Variants in ZYG11B observed in about 807,000 individuals in gnomAD.
ZYG11B encodes protein zyg-11 homolog B.
In ZYG11B, 36 loss-of-function variants were observed where a neutral mutation model predicts 82.4. The observed-to-expected ratio is 0.44, with a 90% CI of 0.33 to 0.58. ZYG11B has a LOEUF of 0.58. ZYG11B is among the 20% of genes least tolerant of loss of function. ZYG11B has a pLI of 0.02. For missense variants in ZYG11B, 552 were observed against 895.6 expected, an observed-to-expected ratio of 0.62 and a Z score of 4.90; for synonymous variants, 303 against 312.8, an observed-to-expected ratio of 0.97 and a Z score of 0.33.
intron 2 of ZYG11B, among the ~76,000 whole-genome samples, chr1:52,760,401 A>G (rs1644618888): frequency 1.3e-5 from 2 of 152,068 alleles, no homozygotes; most frequent in South Asian, 2.1e-4. Flanking sequence ...CCAAGATTGC[A>G]CCATTGTACT....
intron 2 of ZYG11B, among the ~76,000 whole-genome samples, chr1:52,761,830 C>G (rs1178245622): frequency 6.6e-6 from 1 of 152,114 alleles, no homozygotes; most frequent in African/African-American, 2.4e-5. Flanking sequence ...TCTCTACATC[C>G]AGTATTTGTT....
At chr1:52,816,970 T>C (rs1645230594) in intron 13 of ZYG11B, among the ~76,000 whole-genome samples, 1 of 151,682 alleles carries the variant, frequency 6.6e-6, no homozygotes, top group African/African-American at 2.4e-5. Context: ...TGTATTATTA[T>C]TATTTTTTTT....
chr1:52,764,925 CA>C (rs1346152796), intron 2 of ZYG11B, among the ~76,000 whole-genome samples: 1 of 152,154 alleles, frequency 6.6e-6, no homozygotes, highest in Non-Finnish European at 1.5e-5. Context: ...GTGTTCCTAA[CA>C]GTAGTTTCAG....
chr1:52,741,928 C>G (rs114804801), intron 1 of ZYG11B, among the ~76,000 whole-genome samples: 3,093 of 152,126 alleles, frequency 0.02, 42 homozygotes, highest in Non-Finnish European at 0.03. Context: ...GACTCCCAAG[C>G]CCACACTCTT....
At chr1:52,780,122 A>G in intron 4 of ZYG11B, 129 bp downstream of exon 4, 1 of 842,364 alleles carries the variant, frequency 1.2e-6, no homozygotes, top group Non-Finnish European at 1.8e-6. Flanking sequence ...ATGACGTGTG[A>G]TTTCAATCAT....
chr1:52,821,469 A>G lies in ZYG11B; in HGVS notation c.2075A>G (p.Glu692Gly), dbSNP rs1379247210. The part of the protein sequence containing the change: ...PSRYCSMLIE[E>G]GGLQHLYNIK... ...AGGTATTGCAGCATGCTGATTGAAGAAGGAGGATTGCAGCATTTATACAAC... is the reference window on the plus strand; with the variant it reads ...AGGTATTGCAGCATGCTGATTGAAGGAGGAGGATTGCAGCATTTATACAAC... The change falls in exon 14 of 14, where the codon GAA becomes GGA. Residue 692 changes from glutamate (E) to glycine (G), a missense_variant. Glu to Gly is a moderately conservative substitution (Grantham distance 98). This residue lies in a region of ZYG11B where 127 missense variants were observed against 163.4 expected (regional missense o/e 0.78). Coordinates refer to ENST00000294353, the MANE Select transcript of ZYG11B (RefSeq NM_024646.3). 3 of 1,604,558 alleles carry G rather than the reference A, an allele frequency of 1.9e-6. No homozygotes were observed. Among genetic ancestry groups the G allele is most frequent in the Non-Finnish European group, 2.6e-6 (3 of 1,174,464 alleles).
intron 3 of ZYG11B, among the ~76,000 whole-genome samples, chr1:52,777,934 G>A (rs1476573403): frequency 6.6e-6 from 1 of 152,134 alleles, no homozygotes. Context: ...AGAGACAAAG[G>A]CAGTAAATAA....
chr1:52,741,428 C>T (rs1024857992), intron 1 of ZYG11B, among the ~76,000 whole-genome samples: 2 of 151,828 alleles, frequency 1.3e-5, no homozygotes, highest in African/African-American at 4.8e-5. Flanking sequence ...CTCATAGGTA[C>T]CTGTGAACTC....
intron 2 of ZYG11B, among the ~76,000 whole-genome samples, chr1:52,768,596 CTTTTTTT>C (rs142493514): frequency 5.1e-5 from 7 of 136,850 alleles, no homozygotes; most frequent in Non-Finnish European, 7.7e-5. Context: ...CCTTCTTCCT[CTTTTTTT>C]TTTTTTTTTG....
chr1:52,776,229 A>AAAAAAAATAT lies in ZYG11B; in HGVS notation c.952-3623_952-3622insAAAAAATATA. 5.9e-3 allele frequency among the ~76,000 whole-genome samples: 139 copies of AAAAAAAATAT among 23,540 alleles called. 5 individuals carry two copies. The highest frequency in any genetic ancestry group is 0.013 in the African/African-American group (133 of 10,550). The allele number at this position is 23,540 out of a possible 152,430, so 15.4% of individuals were successfully genotyped here. On this transcript the variant is annotated intron_variant, in intron 3 of 13. Coordinates refer to ENST00000294353, the MANE Select transcript of ZYG11B (RefSeq NM_024646.3). ...AGCAAAACTCTGTCTTAAAAAAAAA[A>AAAAAAAATAT]ATATATATATATATATGCAATAAAG... is the stretch of plus-strand genomic sequence containing the variant.
chr1:52,782,379 A>C (rs1165720460), intron 4 of ZYG11B, among the ~76,000 whole-genome samples: 1 of 150,374 alleles, frequency 6.7e-6, no homozygotes, highest in Non-Finnish European at 1.5e-5. Flanking sequence ...GGAGTGAGCC[A>C]CTTTTATTTT....
rs1645313458 is a variant in ZYG11B, at chr1:52,825,075, A to G, written c.*3446A>G. 6.6e-6 allele frequency: 1 copy of G among 152,172 alleles called. No individual in the cohort carries two copies. Among genetic ancestry groups the G allele is most frequent in the South Asian group, 2.1e-4 (1 of 4,822 alleles). 9.4% of individuals were successfully genotyped at this position (152,172 alleles called of 1,614,324 possible). A position where few individuals can be genotyped will look rare whatever the true frequency, so the allele number is the denominator to read the frequency against. ...ACTTTTTAGAGTATAATGATGTTCTAGGGCATAATGAGGAAAATTTTTAAA... is the reference window on the plus strand; with the variant it reads ...ACTTTTTAGAGTATAATGATGTTCTGGGGCATAATGAGGAAAATTTTTAAA... On this transcript the variant is annotated 3_prime_UTR_variant, in exon 14 of 14. Coordinates refer to ENST00000294353, the MANE Select transcript of ZYG11B (RefSeq NM_024646.3).
chr1:52,790,836 G>A (rs1044828745), intron 6 of ZYG11B, among the ~76,000 whole-genome samples: 2 of 117,984 alleles, frequency 1.7e-5, no homozygotes, highest in Non-Finnish European at 3.2e-5. Context: ...ATTGAATTAT[G>A]GAAGAAACTT....
At chr1:52,812,037 A>C (rs1645188244) in intron 10 of ZYG11B, among the ~76,000 whole-genome samples, 1 of 152,164 alleles carries the variant, frequency 6.6e-6, no homozygotes, top group African/African-American at 2.4e-5. Flanking sequence ...TAAAAAAAAA[A>C]AAATTTACAT....
rs1269531613 is a variant in ZYG11B, at chr1:52,824,622, G to GT, written c.*2993_*2994insT. On this transcript the variant is annotated 3_prime_UTR_variant, in exon 14 of 14. Coordinates refer to ENST00000294353, the MANE Select transcript of ZYG11B (RefSeq NM_024646.3). ...CCACTGCACTCCAGCCTGGGTGACAGAGTAAGACTCCGTCTCAAAAAAAAA... is the reference window on the plus strand; with the variant it reads ...CCACTGCACTCCAGCCTGGGTGACAGTAGTAAGACTCCGTCTCAAAAAAAAA... The GT allele has an allele frequency of 1.3e-5, 2 of 150,304 alleles. No homozygotes were observed. The highest frequency in any genetic ancestry group is 4.9e-5 in the African/African-American group (2 of 40,444). The allele number at this position is 150,304 out of a possible 1,614,324, so 9.3% of individuals were successfully genotyped here. A position where few individuals can be genotyped will look rare whatever the true frequency, so the allele number is the denominator to read the frequency against.
chr1:52,756,906 C>G (rs963880726), intron 2 of ZYG11B, among the ~76,000 whole-genome samples: 2 of 151,466 alleles, frequency 1.3e-5, no homozygotes, highest in Non-Finnish European at 2.9e-5. Flanking sequence ...CAGTCTCAAC[C>G]TCCTGGGCTC....
chr1:52,762,790 C>G (rs1644643484), intron 2 of ZYG11B, among the ~76,000 whole-genome samples: 1 of 152,010 alleles, frequency 6.6e-6, no homozygotes, highest in Non-Finnish European at 1.5e-5. Flanking sequence ...CCATGTTGGT[C>G]AGGTTGGTCT....
At chr1:52,800,634 C>T (rs1645068253) in intron 8 of ZYG11B, among the ~76,000 whole-genome samples, 1 of 151,966 alleles carries the variant, frequency 6.6e-6, no homozygotes, top group South Asian at 2.1e-4. Context: ...CATGGTGAAA[C>T]GCCATCTCTA....
intron 2 of ZYG11B, among the ~76,000 whole-genome samples, chr1:52,770,090 A>T (rs59959184): frequency 0.056 from 3,989 of 70,708 alleles, 177 homozygotes; most frequent in African/African-American, 0.16. Context: ...ATATATATAT[A>T]TATTTTTTTT....
Sources: gnomAD v4.1 joint callset for allele counts (sites outside exome capture counted in the v4.1 genomes callset) on GRCh38, gnomAD v4.1.1 for gene constraint, gnomAD v4.1.1 regional missense constraint, MANE v1.5 for transcripts, NCBI Gene and HGNC (gene_info 2026-07-23, HGNC 2026-07-21) for gene names.